Variants in PDE1C observed in about 807,000 individuals in gnomAD.
PDE1C encodes the protein phosphodiesterase 1C.
Under a neutral mutation model 93.1 loss-of-function variants are expected in PDE1C, and 62 were observed. That is an observed-to-expected ratio of 0.67 (90% CI 0.54 to 0.82). The LOEUF (loss-of-function observed/expected upper bound fraction) is 0.82, where lower values mean the gene tolerates loss of function less well. Among genes scored for constraint, PDE1C ranks in the 40% least tolerant of loss-of-function variants. The pLI is 0.00. For missense variants in PDE1C, 742 were observed against 884.6 expected, an observed-to-expected ratio of 0.84 and a Z score of 2.04; for synonymous variants, 325 against 310.1, an observed-to-expected ratio of 1.05 and a Z score of -0.50.
chr7:32,016,910 CATG>C (rs1787982723), intron 2 of PDE1C, among the ~76,000 whole-genome samples: 2 of 152,168 alleles, frequency 1.3e-5, no homozygotes, highest in African/African-American at 4.8e-5. Flanking sequence ...TCAGGCACAG[CATG>C]ATGTCTAAAA....
chr7:31,864,906 C>G, intron 7 of PDE1C, 36 bp downstream of exon 7: 1 of 1,601,924 alleles, frequency 6.2e-7, no homozygotes, highest in Non-Finnish European at 8.5e-7. Flanking sequence ...ATCCTTACAT[C>G]TTTTGGGGAA....
At chr7:31,822,585 T>C (rs945107603) in intron 14 of PDE1C, among the ~76,000 whole-genome samples, 2 of 152,142 alleles carry the variant, frequency 1.3e-5, no homozygotes, top group South Asian at 2.1e-4. Context: ...AGATCAGTTA[T>C]ATGGTTTGAG....
intron 3 of PDE1C, among the ~76,000 whole-genome samples, chr7:32,089,898 C>T (rs747734954): frequency 6.6e-6 from 1 of 152,206 alleles, no homozygotes; most frequent in Non-Finnish European, 1.5e-5. Flanking sequence ...TTCCTTCTCT[C>T]CACAAGGAGT....
intron 2 of PDE1C, among the ~76,000 whole-genome samples, chr7:31,890,474 A>G (rs1798482332): frequency 6.6e-6 from 1 of 152,182 alleles, no homozygotes; most frequent in Non-Finnish European, 1.5e-5. Context: ...ACGTCAAGAC[A>G]CATCTTTCCA....
intron 2 of PDE1C, among the ~76,000 whole-genome samples, chr7:32,205,659 C>G (rs182351557): frequency 6.6e-6 from 1 of 152,286 alleles, no homozygotes; most frequent in Admixed American, 6.5e-5. Context: ...TGTTCCTTCC[C>G]CCTTTGCAAT....
At chr7:31,625,177 A>G in the PDE1C span, among the ~76,000 whole-genome samples, 1 of 152,234 alleles carries the variant, frequency 6.6e-6, no homozygotes, top group Non-Finnish European at 1.5e-5. Context: ...TGTTGGTGGG[A>G]CTGTAAACTA....
chr7:32,412,669 T>C (rs1162711616), intron 1 of PDE1C, among the ~76,000 whole-genome samples: 1 of 149,150 alleles, frequency 6.7e-6, no homozygotes, highest in Admixed American at 6.8e-5. Flanking sequence ...TCGATTAGCA[T>C]CTTCTTTGAC....
chr7:31,632,440 CCTT>C, the PDE1C span, among the ~76,000 whole-genome samples: 2 of 152,050 alleles, frequency 1.3e-5, no homozygotes, highest in Non-Finnish European at 2.9e-5. Flanking sequence ...GAGCGAGACT[CCTT>C]CTCAAAAAAT....
chr7:32,161,074 G>A (rs1334404392), intron 3 of PDE1C, among the ~76,000 whole-genome samples: 1 of 152,098 alleles, frequency 6.6e-6, no homozygotes, highest in Non-Finnish European at 1.5e-5. Context: ...GGAGGTTCGT[G>A]AGCTAAACCA....
chr7:32,081,928 G>C (rs1246608134), intron 3 of PDE1C, among the ~76,000 whole-genome samples: 1 of 152,198 alleles, frequency 6.6e-6, no homozygotes, highest in African/African-American at 2.4e-5. Context: ...CTCCCAGAGT[G>C]AGCGACGCAG....
At chr7:31,755,031 G>A (rs1341712683) in intron 17 of PDE1C, among the ~76,000 whole-genome samples, 1 of 152,160 alleles carries the variant, frequency 6.6e-6, no homozygotes, top group Non-Finnish European at 1.5e-5. Context: ...CCTTGTATAT[G>A]AACAGAATCT....
chr7:31,742,193 C>T, the PDE1C span, among the ~76,000 whole-genome samples: 7 of 152,288 alleles, frequency 4.6e-5, no homozygotes, highest in Non-Finnish European at 7.4e-5. Context: ...AGTAAGAAAA[C>T]AATAAAGAAC....
intron 1 of PDE1C, among the ~76,000 whole-genome samples, chr7:32,224,067 G>A (rs1174657575): frequency 4.6e-5 from 7 of 152,184 alleles, no homozygotes; most frequent in Non-Finnish European, 1.0e-4. Context: ...TCTCTACAAT[G>A]AGGAATGTAA....
chr7:31,724,039 A>AT, the PDE1C span, among the ~76,000 whole-genome samples: 1 of 152,118 alleles, frequency 6.6e-6, no homozygotes, highest in African/African-American at 2.4e-5. Flanking sequence ...CGATCTATTT[A>AT]TTTTTTATGT....
At chr7:32,026,706 TC>T (rs1789482163) in intron 2 of PDE1C, among the ~76,000 whole-genome samples, 1 of 152,000 alleles carries the variant, frequency 6.6e-6, no homozygotes, top group South Asian at 2.1e-4. Context: ...AAAACTCAGG[TC>T]CACAAAAAAT....
intron 3 of PDE1C, among the ~76,000 whole-genome samples, chr7:32,105,674 A>G (rs1798263110): frequency 1.3e-5 from 2 of 149,356 alleles, no homozygotes; most frequent in Non-Finnish European, 3.0e-5. Flanking sequence ...AGCAGCTGGG[A>G]CTACAGGGAT....
chr7:31,870,362 C>T (rs1458114713), intron 6 of PDE1C, among the ~76,000 whole-genome samples: 2 of 151,176 alleles, frequency 1.3e-5, no homozygotes, highest in African/African-American at 4.9e-5. Context: ...GCTAGCTAGA[C>T]TAACAAAGAA....
At chr7:32,200,401 A>C (rs1369322844) in intron 2 of PDE1C, among the ~76,000 whole-genome samples, 2 of 152,170 alleles carry the variant, frequency 1.3e-5, no homozygotes, top group African/African-American at 4.8e-5. Context: ...AGGTAGTTTC[A>C]ATTGCCCAGG....
At chr7:31,741,247 T>A in the PDE1C span, among the ~76,000 whole-genome samples, 1,260 of 152,264 alleles carry the variant, frequency 8.3e-3, 6 homozygotes, top group Non-Finnish European at 0.014. Flanking sequence ...TATGAGAAAT[T>A]TGGAAAGTCT....
Sources: allele counts gnomAD v4.1 joint callset (sites outside exome capture counted in the v4.1 genomes callset), GRCh38; gene constraint gnomAD v4.1.1; transcripts MANE v1.5; gene names NCBI Gene and HGNC (gene_info 2026-07-23, HGNC 2026-07-21).